Variants in MECOM observed in about 807,000 individuals in gnomAD.
The protein encoded by MECOM is histone-lysine N-methyltransferase MECOM.
MECOM carries 13 observed loss-of-function variants against 116.3 expected under a neutral mutation model. That is an observed-to-expected ratio of 0.11 (90% confidence interval 0.07 to 0.18). MECOM has a LOEUF of 0.18. Among genes scored for constraint, MECOM ranks in the 10% least tolerant of loss-of-function variants. The pLI is 1.00. For synonymous variants in MECOM, 528 were observed against 535.2 expected (o/e 0.99, Z 0.19); for missense variants, 1,299 against 1,509.0 (o/e 0.86, Z 2.31).
chr3:169,433,657 GAA>G (rs1491309811), intron 1 of MECOM, among the ~76,000 whole-genome samples: 2 of 133,458 alleles, frequency 1.5e-5, no homozygotes, highest in African/African-American at 2.9e-5. Context: ...AAGAAAGAAA[GAA>G]AGAAAGAAAG....
chr3:169,380,201 C>A (rs958865757), intron 2 of MECOM, among the ~76,000 whole-genome samples: 1 of 151,966 alleles, frequency 6.6e-6, no homozygotes, highest in Admixed American at 6.6e-5. Context: ...GGAAACATAC[C>A]GAAATAAATC....
chr3:169,603,311 T>C (rs1243731455), intron 1 of MECOM, among the ~76,000 whole-genome samples: 2 of 152,162 alleles, frequency 1.3e-5, no homozygotes, highest in Non-Finnish European at 1.5e-5. Context: ...GGTAAGGATA[T>C]AAAAAATATT....
chr3:169,378,386 CAAGA>C (rs1195791276), intron 2 of MECOM, among the ~76,000 whole-genome samples: 723 of 59,246 alleles, frequency 0.012, 28 homozygotes, highest in South Asian at 0.023. Context: ...GGAAGGAAGA[CAAGA>C]AAGAAAGAAA....
At chr3:169,647,927 A>G (rs1774380928) in intron 1 of MECOM, among the ~76,000 whole-genome samples, 1 of 152,186 alleles carries the variant, frequency 6.6e-6, no homozygotes, top group South Asian at 2.1e-4. Flanking sequence ...CGTCCCAGCC[A>G]GCATTATCCG....
chr3:169,150,996 G>A (rs570017974), intron 2 of MECOM, among the ~76,000 whole-genome samples: 97 of 152,312 alleles, frequency 6.4e-4, no homozygotes, highest in African/African-American at 2.2e-3. Context: ...TGCCTTCATT[G>A]TGTAACTGTT....
At chr3:169,616,322 G>GT (rs1221892883) in intron 1 of MECOM, among the ~76,000 whole-genome samples, 1 of 152,044 alleles carries the variant, frequency 6.6e-6, no homozygotes. Flanking sequence ...ATTCCTTAGA[G>GT]TTTTTTTGGT....
At chr3:169,660,577 C>T (rs1301250718) in intron 1 of MECOM, among the ~76,000 whole-genome samples, 1 of 152,124 alleles carries the variant, frequency 6.6e-6, no homozygotes, top group Non-Finnish European at 1.5e-5. Flanking sequence ...GAGAAAACAA[C>T]TATTTATATG....
chr3:169,315,634 T>A (rs1312266599), intron 2 of MECOM, among the ~76,000 whole-genome samples: 2 of 152,250 alleles, frequency 1.3e-5, no homozygotes, highest in East Asian at 3.9e-4. Context: ...ACTACCACAG[T>A]TCCCTCCAGC....
At chr3:169,159,620 T>C (rs1742544292) in intron 2 of MECOM, among the ~76,000 whole-genome samples, 1 of 152,104 alleles carries the variant, frequency 6.6e-6, no homozygotes, top group Non-Finnish European at 1.5e-5. Flanking sequence ...GGTTAAACAA[T>C]TGAGGTGAAG....
intron 1 of MECOM, among the ~76,000 whole-genome samples, chr3:169,619,309 G>A (rs1770414546): frequency 6.6e-6 from 1 of 152,158 alleles, no homozygotes; most frequent in African/African-American, 2.4e-5. Context: ...GCTCGGTGCT[G>A]CCCATAAATC....
intron 2 of MECOM, among the ~76,000 whole-genome samples, chr3:169,330,082 G>A (rs1156235459): frequency 1.3e-5 from 2 of 152,180 alleles, no homozygotes; most frequent in Non-Finnish European, 2.9e-5. Context: ...CTGGAGTACA[G>A]TGGTATGAAC....
chr3:169,602,069 A>T (rs1767900533), intron 1 of MECOM, among the ~76,000 whole-genome samples: 1 of 152,244 alleles, frequency 6.6e-6, no homozygotes, highest in Non-Finnish European at 1.5e-5. Context: ...AATGCATACT[A>T]GTGTCCTAAA....
At chr3:169,295,278 TA>T (rs1372034470) in intron 2 of MECOM, among the ~76,000 whole-genome samples, 1 of 152,114 alleles carries the variant, frequency 6.6e-6, no homozygotes, top group African/African-American at 2.4e-5. Flanking sequence ...TTAAAAGGGT[TA>T]AAAAAAGTTA....
At chr3:169,282,770 ATATT>A (rs1444259640) in intron 2 of MECOM, among the ~76,000 whole-genome samples, 7 of 151,954 alleles carry the variant, frequency 4.6e-5, no homozygotes, top group Non-Finnish European at 1.0e-4. Flanking sequence ...ATATGTTAAT[ATATT>A]TATTTATAAA....
At chr3:169,421,706 G>A (rs115427468) in intron 1 of MECOM, among the ~76,000 whole-genome samples, 4 of 151,108 alleles carry the variant, frequency 2.6e-5, no homozygotes, top group Non-Finnish European at 5.9e-5. Flanking sequence ...AAAACAAAAC[G>A]ATTTCTTACT....
intron 2 of MECOM, among the ~76,000 whole-genome samples, chr3:169,263,124 T>TAC (rs1167188384): frequency 7.2e-4 from 44 of 60,974 alleles, no homozygotes; most frequent in African/African-American, 2.3e-3. Flanking sequence ...TATATATATA[T>TAC]ATATGTTTTT....
chr3:169,562,963 C>T (rs955572043), intron 1 of MECOM, among the ~76,000 whole-genome samples: 3 of 150,700 alleles, frequency 2.0e-5, no homozygotes, highest in African/African-American at 7.3e-5. Flanking sequence ...ACTTGGGAGG[C>T]TGAGGCAGGA....
chr3:169,377,871 A>C (rs1364021279), intron 2 of MECOM, among the ~76,000 whole-genome samples: 1 of 152,198 alleles, frequency 6.6e-6, no homozygotes, highest in Non-Finnish European at 1.5e-5. Context: ...ACACATGCAC[A>C]TGTATGTTTA....
chr3:169,494,021 T>C (rs952061318), intron 1 of MECOM, among the ~76,000 whole-genome samples: 2 of 152,076 alleles, frequency 1.3e-5, no homozygotes, highest in African/African-American at 2.4e-5. Context: ...ATGGTTGGTG[T>C]GAAATTTGAG....
Sources: allele counts gnomAD v4.1 joint callset (sites outside exome capture counted in the v4.1 genomes callset), GRCh38; gene constraint gnomAD v4.1.1; transcripts MANE v1.5; gene names NCBI Gene and HGNC (gene_info 2026-07-23, HGNC 2026-07-21).